Variants in MTSS1 observed in about 807,000 individuals in gnomAD.
MTSS1 encodes protein MTSS 1.
Under a neutral mutation model 79.0 loss-of-function variants are expected in MTSS1, and 18 were observed. The observed-to-expected ratio is 0.23, with a 90% CI of 0.16 to 0.34. The LOEUF (loss-of-function observed/expected upper bound fraction) is 0.34. Among genes scored for constraint, MTSS1 ranks in the 10% least tolerant of loss-of-function variants. The pLI is 1.00. For synonymous variants in MTSS1, 341 were observed against 368.6 expected (o/e 0.93, Z 0.86); for missense variants, 815 against 986.2 (o/e 0.83, Z 2.33).
At chr8:124,641,219 C>G (rs923097619) in intron 3 of MTSS1, among the ~76,000 whole-genome samples, 1 of 152,212 alleles carries the variant, frequency 6.6e-6, no homozygotes, top group Non-Finnish European at 1.5e-5. Context: ...ACCACAGTCA[C>G]TTTGGCCAGC....
In MTSS1 at chr8:124,574,497, T is replaced by C. The variant is rs545660386; in HGVS notation, c.461-5961A>G. On this transcript the variant is annotated intron_variant, in intron 6 of 13. Coordinates refer to ENST00000518547, the MANE Select transcript of MTSS1 (RefSeq NM_014751.6). ...CAGCTAGAATCCAGCCCCAAGTCTT[T>C]CTCGTTCTGAAGACGAGGTTCTTTG... Among the ~76,000 whole-genome samples the C allele has an allele frequency of 2.0e-5, 3 of 152,294 alleles. No homozygotes were observed. The South Asian group carries it at 6.2e-4, about 32-fold the overall frequency.
At chr8:124,721,428 T>TTTTC (rs1832913592) in intron 1 of MTSS1, among the ~76,000 whole-genome samples, 1 of 103,406 alleles carries the variant, frequency 9.7e-6, no homozygotes, top group African/African-American at 3.2e-5. Context: ...TTTTTTTTTT[T>TTTTC]GAGACAGAGT....
chr8:124,698,083 A>G (rs910943291), intron 3 of MTSS1: 3 of 152,170 alleles, frequency 2.0e-5, no homozygotes, highest in African/African-American at 7.2e-5. Context: ...TCCCCACTCA[A>G]TTGTAAGCCG....
chr8:124,628,387 A>C (rs1244063529), intron 3 of MTSS1, among the ~76,000 whole-genome samples: 1 of 152,172 alleles, frequency 6.6e-6, no homozygotes, highest in Non-Finnish European at 1.5e-5. Flanking sequence ...CCACCGCCAC[A>C]GGATGCTAAA....
intron 3 of MTSS1, among the ~76,000 whole-genome samples, chr8:124,687,519 G>A (rs183763891): frequency 3.9e-5 from 6 of 152,156 alleles, no homozygotes; most frequent in African/African-American, 1.4e-4. Context: ...CCAGGCTCTC[G>A]GATCTGGTTC....
chr8:124,574,444 A>G (rs935562420), intron 6 of MTSS1, among the ~76,000 whole-genome samples: 10 of 152,222 alleles, frequency 6.6e-5, no homozygotes, highest in Admixed American at 5.9e-4. Context: ...CAGGGCCACA[A>G]TCATGAGCAC....
intron 3 of MTSS1, among the ~76,000 whole-genome samples, chr8:124,671,343 T>C (rs1410926325): frequency 6.6e-6 from 1 of 152,096 alleles, no homozygotes; most frequent in Admixed American, 6.6e-5. Flanking sequence ...CATGCATGGG[T>C]ACCAAGCTGG....
At position 124,658,767 on chromosome 8, in the gene MTSS1, T is replaced by C. The variant is rs537807969; in HGVS notation, c.208+40759A>G. Among the ~76,000 whole-genome samples the C allele has an allele frequency of 1.4e-4, 22 of 152,022 alleles. No homozygotes were observed. The South Asian group carries it at 3.5e-3, about 24-fold the overall frequency. ...CAGCAGCAAAGCGCCAAGGGGGAAATCCACCCCCACAGTCCAATCACCTCT... is the reference window on the plus strand; with the variant it reads ...CAGCAGCAAAGCGCCAAGGGGGAAACCCACCCCCACAGTCCAATCACCTCT... On this transcript the variant is annotated intron_variant, in intron 3 of 13. Transcript: ENST00000518547.
At chr8:124,598,086 C>T (rs1305031948) in intron 3 of MTSS1, among the ~76,000 whole-genome samples, 1 of 152,070 alleles carries the variant, frequency 6.6e-6, no homozygotes, top group African/African-American at 2.4e-5. Context: ...TGGCTTTAAG[C>T]GATACCAACT....
At chr8:124,601,745 C>T (rs1436595750) in intron 3 of MTSS1, among the ~76,000 whole-genome samples, 1 of 152,192 alleles carries the variant, frequency 6.6e-6, no homozygotes, top group African/African-American at 2.4e-5. Context: ...CCATCTGCTG[C>T]CCCGGGGGAT....
intron 3 of MTSS1, among the ~76,000 whole-genome samples, chr8:124,689,746 CAAA>C (rs35782850): frequency 1.9e-4 from 18 of 94,296 alleles, no homozygotes; most frequent in Middle Eastern, 5.0e-3. Context: ...AACTCCATCT[CAAA>C]AAAAAAAAAA....
At chr8:124,619,011 G>A (rs1587336486) in intron 3 of MTSS1, among the ~76,000 whole-genome samples, 1 of 152,150 alleles carries the variant, frequency 6.6e-6, no homozygotes, top group African/African-American at 2.4e-5. Flanking sequence ...CGTGGTTAAC[G>A]GCAGGTGATT....
At chr8:124,563,115 A>G (rs1447779032) in intron 9 of MTSS1, 123 bp from the exon 10 acceptor site, 12 of 802,152 alleles carry the variant, frequency 1.5e-5, no homozygotes, top group Non-Finnish European at 2.4e-5. Flanking sequence ...AACATAATGC[A>G]ATTAGCTCTC....
At chr8:124,598,938 G>A (rs913919566) in intron 3 of MTSS1, among the ~76,000 whole-genome samples, 4 of 152,182 alleles carry the variant, frequency 2.6e-5, no homozygotes, top group African/African-American at 9.7e-5. Context: ...AATGGGTGGT[G>A]GATAAGAAAG....
chr8:124,699,193 G>A (rs192619307), intron 3 of MTSS1: 35 of 248,970 alleles, frequency 1.4e-4, no homozygotes, highest in African/African-American at 6.4e-4. Context: ...GAAAACCCAC[G>A]TAAGGAGGAA....
intron 3 of MTSS1, among the ~76,000 whole-genome samples, chr8:124,671,833 G>A (rs998736275): frequency 7.2e-5 from 11 of 152,142 alleles, no homozygotes; most frequent in Admixed American, 1.3e-4. Flanking sequence ...TCAAAATAAG[G>A]AGAAGAGATT....
At chr8:124,704,603 G>A (rs1275168064) in intron 1 of MTSS1, among the ~76,000 whole-genome samples, 1 of 152,188 alleles carries the variant, frequency 6.6e-6, no homozygotes, top group East Asian at 1.9e-4. Context: ...TCTTCCCCAG[G>A]ACAGGTGGTT....
At chr8:124,687,182 G>C (rs1000993694) in intron 3 of MTSS1, among the ~76,000 whole-genome samples, 1 of 152,138 alleles carries the variant, frequency 6.6e-6, no homozygotes, top group African/African-American at 2.4e-5. Context: ...TAAGGGTGGA[G>C]ACAATTACTA....
chr8:124,551,377 C>CGTAACATAAAA lies in MTSS1; in HGVS notation c.*1604_*1614dup, dbSNP rs1386072975. The CGTAACATAAAA allele has an allele frequency of 6.6e-6, 1 of 152,528 alleles. No individual in the cohort carries two copies. Among genetic ancestry groups the CGTAACATAAAA allele is most frequent in the African/African-American group, 2.4e-5 (1 of 41,404 alleles). The allele number at this position is 152,528 out of a possible 1,614,324, so 9.4% of individuals were successfully genotyped here. A position where few individuals can be genotyped will look rare whatever the true frequency, so the allele number is the denominator to read the frequency against. ...AATAATCATGCCTTTGCTTTAAAGC[C>CGTAACATAAAA]GTAACATAAAATGTCCTTGAGCAAT... On this transcript the variant is annotated 3_prime_UTR_variant, in exon 14 of 14. Coordinates refer to ENST00000518547, the MANE Select transcript of MTSS1 (RefSeq NM_014751.6).
Sources: gnomAD v4.1 joint callset for allele counts (sites outside exome capture counted in the v4.1 genomes callset) on GRCh38, gnomAD v4.1.1 for gene constraint, MANE v1.5 for transcripts, NCBI Gene and HGNC (gene_info 2026-07-23, HGNC 2026-07-21) for gene names.